Variants in L3MBTL4 observed in about 807,000 individuals in gnomAD.
L3MBTL4 encodes L3MBTL histone methyl-lysine binding protein 4, also known as lethal(3)malignant brain tumor-like protein 4.
Under a neutral mutation model 84.5 loss-of-function variants are expected in L3MBTL4, and 70 were observed. The observed-to-expected ratio is 0.83, with a 90% CI of 0.68 to 1.01. The LOEUF (loss-of-function observed/expected upper bound fraction) is 1.01, where lower values mean the gene tolerates loss of function less well. Among genes scored for constraint, L3MBTL4 ranks in the 50% least tolerant of loss-of-function variants. L3MBTL4 has a pLI of 0.00. For missense variants in L3MBTL4, 715 were observed against 754.8 expected, an observed-to-expected ratio of 0.95 and a Z score of 0.62; for synonymous variants, 274 against 259.8, an observed-to-expected ratio of 1.05 and a Z score of -0.52.
chr18:6,206,663 G>A lies in L3MBTL4; in HGVS notation c.981+6486C>T, dbSNP rs377472231. ...TTCTTGGAGAATACAAATACAGTGA[G>A]AGACTATACATCCTTTCAGGGGCTT... On this transcript the variant is annotated intron_variant, in intron 12 of 18. Coordinates refer to ENST00000317931, the MANE Select transcript of L3MBTL4 (RefSeq NM_001330559.2). Among the ~76,000 whole-genome samples, 214 of 152,282 alleles carry A rather than the reference G, an allele frequency of 1.4e-3. 2 individuals carry two copies. Among genetic ancestry groups the A allele is most frequent in the African/African-American group, 4.9e-3 (205 of 41,540 alleles).
chr18:6,116,864 T>A (rs142550719), intron 14 of L3MBTL4, among the ~76,000 whole-genome samples: 2 of 152,230 alleles, frequency 1.3e-5, no homozygotes, highest in Non-Finnish European at 2.9e-5. Context: ...AAAAGCCCCA[T>A]GTGCCTTCCA....
chr18:6,326,320 T>G (rs163611), intron 1 of L3MBTL4: 41,724 of 152,104 alleles, frequency 0.27, 7,504 homozygotes, highest in African/African-American at 0.52. Context: ...AGAAACAAAG[T>G]GATCAAGAAA....
chr18:5,958,943 C>T (rs16949066), intron 18 of L3MBTL4, among the ~76,000 whole-genome samples: 2,064 of 152,294 alleles, frequency 0.014, 43 homozygotes, highest in African/African-American at 0.044. Context: ...CCTTGATCAT[C>T]GCTACCTGCA....
intron 3 of L3MBTL4, among the ~76,000 whole-genome samples, chr18:6,303,118 T>C (rs1421598525): frequency 6.6e-6 from 1 of 152,038 alleles, no homozygotes; most frequent in Admixed American, 6.6e-5. Flanking sequence ...ATACAATAGT[T>C]TTTTGGGGTT....
At chr18:6,081,530 G>A (rs964266901) in intron 15 of L3MBTL4, among the ~76,000 whole-genome samples, 8 of 152,130 alleles carry the variant, frequency 5.3e-5, no homozygotes, top group African/African-American at 1.9e-4. Context: ...ACTTTTCCAG[G>A]ATTGCTAATT....
chr18:6,001,833 T>C (rs996954527), intron 16 of L3MBTL4, among the ~76,000 whole-genome samples: 1 of 152,130 alleles, frequency 6.6e-6, no homozygotes, highest in Non-Finnish European at 1.5e-5. Flanking sequence ...TGCAGGAGTT[T>C]CTGAAGGAAA....
chr18:6,301,988 A>G (rs1390345281), intron 3 of L3MBTL4, 31 bp from the exon 4 acceptor site: 13 of 1,540,604 alleles, frequency 8.4e-6, no homozygotes, highest in African/African-American at 1.4e-5. Flanking sequence ...TTTAGATGGT[A>G]TTGCTGGATA....
At chr18:6,338,130 C>G (rs2052432750) in intron 1 of L3MBTL4, among the ~76,000 whole-genome samples, 1 of 151,184 alleles carries the variant, frequency 6.6e-6, no homozygotes, top group South Asian at 2.1e-4. Context: ...TTTAACAATC[C>G]ACTGACGACA....
At chr18:6,265,791 A>G (rs2048605244) in intron 4 of L3MBTL4, among the ~76,000 whole-genome samples, 1 of 152,212 alleles carries the variant, frequency 6.6e-6, no homozygotes, top group Non-Finnish European at 1.5e-5. Flanking sequence ...GTGCTTAGAA[A>G]GGTGGTTACC....
chr18:6,261,963 G>A (rs1400660916), intron 5 of L3MBTL4, among the ~76,000 whole-genome samples: 3 of 152,124 alleles, frequency 2.0e-5, no homozygotes, highest in Non-Finnish European at 4.4e-5. Context: ...TAATTCTGGC[G>A]GCAGAGTGGG....
intron 12 of L3MBTL4, among the ~76,000 whole-genome samples, chr18:6,190,713 G>C (rs2045036912): frequency 6.6e-6 from 1 of 152,190 alleles, no homozygotes; most frequent in South Asian, 2.1e-4. Context: ...ATAAGTGAAT[G>C]TTTTGCATAT....
At chr18:6,221,875 A>T (rs2046570028) in intron 10 of L3MBTL4, among the ~76,000 whole-genome samples, 1 of 152,224 alleles carries the variant, frequency 6.6e-6, no homozygotes. Context: ...GGAAAGTTAC[A>T]CTACCTGAAA....
intron 4 of L3MBTL4, among the ~76,000 whole-genome samples, chr18:6,289,484 C>T (rs905519289): frequency 6.6e-6 from 1 of 152,082 alleles, no homozygotes; most frequent in Non-Finnish European, 1.5e-5. Context: ...TTTTAGTTTC[C>T]CTAGTTTCAA....
At chr18:6,029,374 A>G in intron 16 of L3MBTL4, 1 of 784,452 alleles carries the variant, frequency 1.3e-6, no homozygotes, top group Non-Finnish European at 1.5e-6. Flanking sequence ...TTCAATAGGT[A>G]AAATGACAAT....
At chr18:5,985,180 C>T (rs1179125169) in intron 16 of L3MBTL4, among the ~76,000 whole-genome samples, 2 of 152,076 alleles carry the variant, frequency 1.3e-5, no homozygotes, top group African/African-American at 4.8e-5. Flanking sequence ...GAAACACAAG[C>T]TGGGAAAGAA....
intron 14 of L3MBTL4, among the ~76,000 whole-genome samples, chr18:6,102,947 G>C (rs1315687744): frequency 6.6e-6 from 1 of 152,104 alleles, no homozygotes; most frequent in Non-Finnish European, 1.5e-5. Context: ...GAGAGCGAGA[G>C]TGTGTGTGTG....
At chr18:6,403,604 C>T (rs1277796146) in intron 1 of L3MBTL4, among the ~76,000 whole-genome samples, 1 of 152,220 alleles carries the variant, frequency 6.6e-6, no homozygotes, top group African/African-American at 2.4e-5. Flanking sequence ...TATTTATGCA[C>T]ACTATATATT....
intron 1 of L3MBTL4, among the ~76,000 whole-genome samples, chr18:6,317,045 A>G (rs2051142507): frequency 6.6e-6 from 1 of 152,024 alleles, no homozygotes; most frequent in Non-Finnish European, 1.5e-5. Context: ...CTGTGGGGAA[A>G]CAAGATAAGC....
At chr18:6,316,131 G>A (rs1210268004) in intron 1 of L3MBTL4, among the ~76,000 whole-genome samples, 1 of 149,522 alleles carries the variant, frequency 6.7e-6, no homozygotes, top group Non-Finnish European at 1.5e-5. Context: ...CACTCTCACG[G>A]AGTCCATGCC....
Sources: gnomAD v4.1 joint callset for allele counts (sites outside exome capture counted in the v4.1 genomes callset) on GRCh38, gnomAD v4.1.1 for gene constraint, MANE v1.5 for transcripts, NCBI Gene and HGNC (gene_info 2026-07-23, HGNC 2026-07-21) for gene names.